Variants in PCDH15 observed in about 807,000 individuals in gnomAD.
The protein encoded by PCDH15 is protocadherin related 15, also known as protocadherin-15.
A neutral mutation model predicts 178.5 loss-of-function variants in PCDH15; 129 were observed. The observed-to-expected ratio is 0.72, with a 90% CI of 0.63 to 0.84. The LOEUF (loss-of-function observed/expected upper bound fraction) is 0.84. PCDH15 is among the 40% of genes least tolerant of loss of function. The pLI is 0.00. For synonymous variants in PCDH15, 800 were observed against 732.0 expected (o/e 1.09, Z -1.50); for missense variants, 2,230 against 2,099.9 (o/e 1.06, Z -1.21).
chr10:54,596,355 G>A (rs1389857625), intron 2 of PCDH15, among the ~76,000 whole-genome samples: 3 of 152,036 alleles, frequency 2.0e-5, no homozygotes, highest in Non-Finnish European at 4.4e-5. Flanking sequence ...TTTATATTTG[G>A]CTAAACAAAG....
chr10:54,586,774 A>ACC lies in PCDH15; in HGVS notation c.92-58898_92-58897insGG, dbSNP rs1233613990. Among the ~76,000 whole-genome samples, 3 of 152,178 alleles carry ACC rather than the reference A, an allele frequency of 2.0e-5. No homozygotes were observed. In the South Asian group the frequency reaches 6.2e-4, roughly 31 times the overall value. ...CTTCTAAAGTGCTGGGATTACAGGC[A>ACC]TGAGCCACCACACCTGGACGGATGT... On this transcript the variant is annotated intron_variant, in intron 2 of 37. Transcript: ENST00000644397.
chr10:55,107,484 CTTTTTT>C (rs11290952), intron 2 of PCDH15, among the ~76,000 whole-genome samples: 1 of 86,202 alleles, frequency 1.2e-5, no homozygotes, highest in African/African-American at 5.5e-5. Context: ...ATTCTCTTTC[CTTTTTT>C]TTTTTTTTTT....
At chr10:54,312,788 T>G (rs1445357678) in intron 8 of PCDH15, among the ~76,000 whole-genome samples, 1 of 152,110 alleles carries the variant, frequency 6.6e-6, no homozygotes, top group Non-Finnish European at 1.5e-5. Context: ...TTTTCTCAAG[T>G]CTTGCTAAAA....
Position 54,436,043 on chromosome 10 carries a change from AGAGAGAG to A in PCDH15, c.158-57108_158-57102del, listed in dbSNP as rs1565270831. Among the ~76,000 whole-genome samples, 1,110 of 137,078 alleles carry A rather than the reference AGAGAGAG, an allele frequency of 8.1e-3. 40 individuals carry two copies. Among genetic ancestry groups the A allele is most frequent in the African/African-American group, 0.032 (1,041 of 32,842 alleles). The allele number at this position is 137,078 out of a possible 152,430, so 89.9% of individuals were successfully genotyped here. ...AGAGGAGAGGAGAGGAGAGAGAGAG[AGAGAGAG>A]AAAAGAAAGAAAGAAAGAAAGAAGG... is the stretch of plus-strand genomic sequence containing the variant. On this transcript the variant is annotated intron_variant, in intron 3 of 37. Transcript: ENST00000644397.
chr10:54,762,324 G>A (rs10740598), intron 1 of PCDH15, among the ~76,000 whole-genome samples: 108,133 of 151,950 alleles, frequency 0.71, 39,165 homozygotes, highest in East Asian at 0.84. Flanking sequence ...TTAAAAAAAT[G>A]CAAGAATTTG....
intron 1 of PCDH15, among the ~76,000 whole-genome samples, chr10:54,696,532 A>T (rs1350572277): frequency 6.6e-6 from 1 of 152,132 alleles, no homozygotes; most frequent in Non-Finnish European, 1.5e-5. Flanking sequence ...TCCCATTTTG[A>T]AAACATTTCT....
In PCDH15 at chr10:53,940,878, C is replaced by T; in HGVS notation, c.3220G>A (p.Gly1074Arg). The T allele has an allele frequency of 6.2e-7, 1 of 1,611,116 alleles. No individual in the cohort carries two copies. Among genetic ancestry groups the T allele is most frequent in the Non-Finnish European group, 8.5e-7 (1 of 1,177,388 alleles). Reference sequence around the variant, plus strand: ...AAAGTCTACTCACCTTCTTCATTTCCTGAAACAATGGAGTACACAATACTT... The same window carrying T: ...AAAGTCTACTCACCTTCTTCATTTCTTGAAACAATGGAGTACACAATACTT... ...NQSIVYSIVS[G>R]NEEDTFGINN... The change falls in exon 24 of 38, where the codon GGA becomes AGA. Residue 1074 changes from glycine to arginine, a missense_variant. Coordinates refer to ENST00000644397, the MANE Select transcript of PCDH15 (RefSeq NM_001384140.1).
intron 2 of PCDH15, among the ~76,000 whole-genome samples, chr10:55,018,327 T>A (rs1840235297): frequency 6.6e-6 from 1 of 152,034 alleles, no homozygotes; most frequent in African/African-American, 2.4e-5. Flanking sequence ...GATGCTCGAG[T>A]CACGGATATA....
chr10:54,397,699 A>T (rs1247097506), intron 3 of PCDH15, among the ~76,000 whole-genome samples: 2 of 152,038 alleles, frequency 1.3e-5, no homozygotes, highest in African/African-American at 4.8e-5. Flanking sequence ...GGTATAAATA[A>T]TCATAATAAC....
At chr10:55,290,918 T>C (rs1383906040) in intron 1 of PCDH15, among the ~76,000 whole-genome samples, 1 of 152,118 alleles carries the variant, frequency 6.6e-6, no homozygotes, top group Non-Finnish European at 1.5e-5. Flanking sequence ...TTGTTAACAG[T>C]TATGAAACGT....
At chr10:54,972,213 T>A (rs548434606) in intron 2 of PCDH15, among the ~76,000 whole-genome samples, 4 of 152,194 alleles carry the variant, frequency 2.6e-5, no homozygotes, top group Non-Finnish European at 5.9e-5. Flanking sequence ...ATGCCGCATA[T>A]AAAGCCCTTT....
At chr10:54,131,774 C>T (rs2042457263) in intron 15 of PCDH15, among the ~76,000 whole-genome samples, 1 of 152,128 alleles carries the variant, frequency 6.6e-6, no homozygotes, top group Non-Finnish European at 1.5e-5. Flanking sequence ...ACTCAATCAA[C>T]TGATTTTAAG....
chr10:55,200,030 G>A (rs1026427255), intron 1 of PCDH15, among the ~76,000 whole-genome samples: 21 of 152,076 alleles, frequency 1.4e-4, no homozygotes, highest in Non-Finnish European at 2.6e-4. Flanking sequence ...TGTGGGGTTC[G>A]TGTCTCTACA....
chr10:55,075,054 A>G (rs769714045), intron 2 of PCDH15, among the ~76,000 whole-genome samples: 4 of 152,118 alleles, frequency 2.6e-5, no homozygotes, highest in South Asian at 2.1e-4. Context: ...TGAGTTCTCT[A>G]TTCTGTTCCA....
intron 1 of PCDH15, among the ~76,000 whole-genome samples, chr10:54,767,089 GACA>G (rs144325958): frequency 1.2e-4 from 18 of 152,192 alleles, no homozygotes; most frequent in African/African-American, 4.3e-4. Flanking sequence ...CAGAATACAT[GACA>G]ACATCTTCAT....
intron 2 of PCDH15, among the ~76,000 whole-genome samples, chr10:55,123,210 A>C (rs995759687): frequency 6.6e-6 from 1 of 152,006 alleles, no homozygotes; most frequent in Non-Finnish European, 1.5e-5. Flanking sequence ...TTATGAAAAA[A>C]CATGAATATT....
At chr10:55,620,806 A>G (rs1454652461) in intron 2 of PCDH15, among the ~76,000 whole-genome samples, 2 of 151,444 alleles carry the variant, frequency 1.3e-5, no homozygotes, top group African/African-American at 4.8e-5. Flanking sequence ...TTAAGAACTC[A>G]ATGCTCCTAA....
intron 2 of PCDH15, among the ~76,000 whole-genome samples, chr10:55,087,936 A>C (rs1253015266): frequency 6.6e-6 from 1 of 152,174 alleles, no homozygotes; most frequent in Non-Finnish European, 1.5e-5. Context: ...AGATATTACT[A>C]ATATTCACTA....
intron 27 of PCDH15, 99 bp from the exon 28 acceptor site, chr10:53,857,362 C>G: frequency 1.2e-6 from 1 of 844,060 alleles, no homozygotes; most frequent in Non-Finnish European, 2.0e-6. Flanking sequence ...TGCATAGACA[C>G]AGTGGTTTCT....
Sources: gnomAD v4.1 joint callset for allele counts (sites outside exome capture counted in the v4.1 genomes callset) on GRCh38, gnomAD v4.1.1 for gene constraint, MANE v1.5 for transcripts, NCBI Gene and HGNC (gene_info 2026-07-23, HGNC 2026-07-21) for gene names.